The following DAB1 variants were observed in gnomAD, a reference collection of about 807,000 sequenced individuals.
The protein encoded by DAB1 is disabled homolog 1.
Under a neutral mutation model 64.6 loss-of-function variants are expected in DAB1, and 15 were observed. That is an observed-to-expected ratio of 0.23 (90% CI 0.16 to 0.36). The LOEUF is 0.36. DAB1 is among the 10% of genes least tolerant of loss of function. The pLI is 1.00. For synonymous variants in DAB1, 235 were observed against 251.9 expected (o/e 0.93, Z 0.64); for missense variants, 596 against 706.7 (o/e 0.84, Z 1.78).
chr1:57,885,476 C>T (rs943474441), upstream of DAB1, among the ~76,000 whole-genome samples: 1 of 152,060 alleles, frequency 6.6e-6, no homozygotes, highest in Non-Finnish European at 1.5e-5. Flanking sequence ...AATAGGAAAC[C>T]TGAGGGGTGT....
At chr1:58,193,453 G>A (rs759127401) in intron 4 of DAB1, among the ~76,000 whole-genome samples, 1 of 152,180 alleles carries the variant, frequency 6.6e-6, no homozygotes, top group Non-Finnish European at 1.5e-5. Context: ...ATACAAAACA[G>A]ACTAAGACAT....
intron 4 of DAB1, among the ~76,000 whole-genome samples, chr1:58,244,014 A>G (rs1438715004): frequency 6.6e-6 from 1 of 152,138 alleles, no homozygotes; most frequent in African/African-American, 2.4e-5. Context: ...AGGATCAGTG[A>G]AAAAAAGAGT....
chr1:58,434,339 T>C (rs1472609597), intron 3 of DAB1, among the ~76,000 whole-genome samples: 3 of 151,300 alleles, frequency 2.0e-5, no homozygotes, highest in Non-Finnish European at 4.4e-5. Context: ...GTGAATACAG[T>C]AGTAGCTCTC....
At chr1:58,421,254 A>C (rs1246481349) in intron 3 of DAB1, among the ~76,000 whole-genome samples, 2 of 152,254 alleles carry the variant, frequency 1.3e-5, no homozygotes, top group Non-Finnish European at 2.9e-5. Flanking sequence ...CACGAGCAAC[A>C]TGATATTAAT....
intron 6 of DAB1, among the ~76,000 whole-genome samples, chr1:57,693,080 T>C (rs543650494): frequency 2.0e-5 from 3 of 152,286 alleles, no homozygotes; most frequent in East Asian, 3.9e-4. Flanking sequence ...GTCTTACAAA[T>C]GGAACCCCAA....
intron 5 of DAB1, among the ~76,000 whole-genome samples, chr1:57,991,493 G>C (rs1646337969): frequency 6.6e-6 from 1 of 152,082 alleles, no homozygotes; most frequent in South Asian, 2.1e-4. Flanking sequence ...CATTGTATGA[G>C]CAGTACTGTG....
rs531544425 is a variant in DAB1 at position 58,290,638 on chromosome 1, C to T, written n.309+52714G>A. ...AGCAAATAATTTTCTTAGCTCGTCT[C>T]TGAAGCTCTGAATATGTCTCCAGAA... On this transcript the variant is annotated intron_variant and non_coding_transcript_variant, in intron 4 of 20. Coordinates refer to the DAB1 transcript ENST00000485760. 1.6e-3 allele frequency among the ~76,000 whole-genome samples: 237 copies of T among 152,290 alleles called. 3 individuals carry two copies. The highest frequency in any genetic ancestry group is 2.4e-3 in the Admixed American group (37 of 15,298).
chr1:58,331,672 T>C (rs1285083146), intron 4 of DAB1, among the ~76,000 whole-genome samples: 1 of 152,202 alleles, frequency 6.6e-6, no homozygotes. Flanking sequence ...AAGATTAGGA[T>C]TTGCTGAAGG....
intron 5 of DAB1, among the ~76,000 whole-genome samples, chr1:58,137,391 C>T (rs1570403934): frequency 6.6e-6 from 1 of 152,268 alleles, no homozygotes; most frequent in African/African-American, 2.4e-5. Flanking sequence ...AGCCTTTTAA[C>T]TGAATCAAAG....
chr1:58,455,514 G>C (rs1023960395), intron 3 of DAB1, among the ~76,000 whole-genome samples: 2 of 152,270 alleles, frequency 1.3e-5, no homozygotes, highest in African/African-American at 4.8e-5. Flanking sequence ...GGCGGAGAGA[G>C]GGGTGAGGCG....
intron 7 of DAB1, among the ~76,000 whole-genome samples, chr1:57,570,393 C>CATAT (rs35497839): frequency 9.4e-5 from 14 of 149,046 alleles, no homozygotes; most frequent in African/African-American, 3.2e-4. Flanking sequence ...TTAACAAACT[C>CATAT]ATATATATAT....
intron 5 of DAB1, among the ~76,000 whole-genome samples, chr1:57,923,651 G>T (rs12029139): frequency 0.02 from 3,046 of 152,274 alleles, 68 homozygotes; most frequent in East Asian, 0.081. Context: ...AATGAATGAA[G>T]GAAGGAACAA....
At chr1:58,247,318 C>T (rs1660591182) in intron 4 of DAB1, among the ~76,000 whole-genome samples, 1 of 146,592 alleles carries the variant, frequency 6.8e-6, no homozygotes, top group Admixed American at 6.8e-5. Flanking sequence ...GTTGTCCATT[C>T]GATGGAAGAC....
intron 2 of DAB1, among the ~76,000 whole-genome samples, chr1:57,197,745 T>C (rs1664751767): frequency 6.6e-6 from 1 of 152,190 alleles, no homozygotes; most frequent in Non-Finnish European, 1.5e-5. Flanking sequence ...TATTCACACA[T>C]GGCAGACAGA....
chr1:58,046,203 T>C (rs1425062628), intron 5 of DAB1, among the ~76,000 whole-genome samples: 2 of 152,230 alleles, frequency 1.3e-5, no homozygotes, highest in Non-Finnish European at 2.9e-5. Context: ...TTTTCCATTT[T>C]GATACTGAAG....
At chr1:57,185,128 C>A (rs368231967) in intron 2 of DAB1, among the ~76,000 whole-genome samples, 1 of 152,138 alleles carries the variant, frequency 6.6e-6, no homozygotes, top group Non-Finnish European at 1.5e-5. Flanking sequence ...AAACATGCTT[C>A]CCCCTCTCTG....
At chr1:57,382,583 C>T (rs550955877) in intron 1 of DAB1, among the ~76,000 whole-genome samples, 1 of 152,060 alleles carries the variant, frequency 6.6e-6, no homozygotes, top group Non-Finnish European at 1.5e-5. Flanking sequence ...AGGGAGAATC[C>T]ATTTCCTTGC....
intron 6 of DAB1, among the ~76,000 whole-genome samples, chr1:57,775,796 A>T (rs72664661): frequency 1.3e-5 from 2 of 151,650 alleles, no homozygotes; most frequent in Non-Finnish European, 3.0e-5. Context: ...TGAGAGAAGA[A>T]ATGTTATAAT....
intron 5 of DAB1, among the ~76,000 whole-genome samples, chr1:57,960,458 C>T (rs545779590): frequency 1.0e-4 from 15 of 150,266 alleles, no homozygotes; most frequent in African/African-American, 2.9e-4. Flanking sequence ...CTTTTTAACT[C>T]CCAAGAAGCT....
Sources: gnomAD v4.1 joint callset for allele counts (sites outside exome capture counted in the v4.1 genomes callset) on GRCh38, gnomAD v4.1.1 for gene constraint, MANE v1.5 for transcripts, NCBI Gene and HGNC (gene_info 2026-07-23, HGNC 2026-07-21) for gene names.